Variants in DYSF observed in about 807,000 individuals in gnomAD.
DYSF encodes dysferlin.
In DYSF, 212 loss-of-function variants were observed where a neutral mutation model predicts 274.9. The observed-to-expected ratio is 0.77, with a 90% confidence interval of 0.69 to 0.86. DYSF has a LOEUF of 0.86. DYSF is among the 40% of genes least tolerant of loss of function. The probability of loss-of-function intolerance (pLI) is 0.00; values close to 1 mark genes in which losing one functional copy is unlikely to be tolerated. For missense variants in DYSF, 2,666 were observed against 2,783.2 expected (o/e 0.96, Z 0.95); for synonymous variants, 1,091 against 1,078.7 (o/e 1.01, Z -0.22).
At chr2:71,570,512 CTG>C in intron 28 of DYSF, 85 bp from the exon 29 acceptor site, 1 of 1,569,088 alleles carries the variant, frequency 6.4e-7, no homozygotes, top group Non-Finnish European at 8.7e-7. Context: ...GCTCAAGAGT[CTG>C]TGACCATGCC....
intron 5 of DYSF, 83 bp from the exon 6 acceptor site, chr2:71,513,156 TG>T: frequency 7.6e-7 from 1 of 1,322,948 alleles, no homozygotes; most frequent in Non-Finnish European, 1.1e-6. Flanking sequence ...AAGGCAGGGT[TG>T]GGGATGGAGG....
chr2:71,677,440 G>A (rs543026780), intron 52 of DYSF, among the ~76,000 whole-genome samples: 40 of 152,178 alleles, frequency 2.6e-4, no homozygotes, highest in Middle Eastern at 3.4e-3. Context: ...TAGATTAGGC[G>A]AAACCACATG....
intron 1 of DYSF, among the ~76,000 whole-genome samples, chr2:71,459,463 G>A (rs1335318064): frequency 6.6e-6 from 1 of 152,144 alleles, no homozygotes; most frequent in African/African-American, 2.4e-5. Flanking sequence ...AGCTGGAGGG[G>A]AAATCCTATG....
In DYSF at chr2:71,551,701, A is replaced by G; in HGVS notation, c.1787A>G (p.Asp596Gly). 1 of 1,608,420 alleles carries G rather than the reference A, an allele frequency of 6.2e-7. No homozygotes were observed. The highest frequency in any genetic ancestry group is 8.5e-7 in the Non-Finnish European group (1 of 1,178,738). ...SEQKVEDLPA[D>G]DILRVEKYLR... ...CAGAAGGTGGAGGACCTTCCTGCGG[A>G]TGACATCCTCCGGGTGGAGGTGAGG... is the stretch of plus-strand genomic sequence containing the variant. The change falls in exon 19 of 56, where the codon GAT becomes GGT. Residue 596 changes from aspartate to glycine, a missense_variant. Asp to Gly is a moderately conservative substitution (Grantham distance 94). Around this residue, in one of 3 missense-constraint regions of DYSF, gnomAD observed 794 missense variants for 777.1 expected, o/e 1.02. Transcript: ENST00000410020.
Position 71,487,695 on chromosome 2 carries a change from G to A in DYSF, c.239+5725G>A, listed in dbSNP as rs139397722. Among the ~76,000 whole-genome samples, 784 of 152,256 alleles carry A rather than the reference G, an allele frequency of 5.1e-3. 4 individuals are homozygous for A. Among genetic ancestry groups the A allele is most frequent in the Non-Finnish European group, 7.1e-3 (485 of 68,018 alleles). On this transcript the variant is annotated intron_variant, in intron 3 of 55. Coordinates refer to ENST00000410020, the MANE Select transcript of DYSF (RefSeq NM_001130987.2). ...GGCTAGTTTTTGTGTTTTTAGTAGA[G>A]ACAGGGTTTCACCCTGTTGGTCAGG... is the stretch of plus-strand genomic sequence containing the variant.
At chr2:71,470,755 TCC>T (rs2081967847) in intron 1 of DYSF, among the ~76,000 whole-genome samples, 1 of 145,264 alleles carries the variant, frequency 6.9e-6, no homozygotes, top group Non-Finnish European at 1.5e-5. Flanking sequence ...CTTCCTTCCT[TCC>T]TTCCTTCCTT....
intron 3 of DYSF, among the ~76,000 whole-genome samples, chr2:71,484,575 A>G (rs773740239): frequency 7.9e-5 from 12 of 152,156 alleles, no homozygotes; most frequent in Non-Finnish European, 1.6e-4. Context: ...TGTTGGCTGT[A>G]GTCACCCTAT....
At chr2:71,560,684 C>G (rs1488225091) in intron 22 of DYSF, among the ~76,000 whole-genome samples, 1 of 151,888 alleles carries the variant, frequency 6.6e-6, no homozygotes, top group African/African-American at 2.4e-5. Flanking sequence ...GCGGCGGTGC[C>G]GCTGCGCTCC....
chr2:71,475,775 T>C (rs1222189295), intron 1 of DYSF, among the ~76,000 whole-genome samples: 3 of 152,154 alleles, frequency 2.0e-5, no homozygotes, highest in African/African-American at 4.8e-5. Context: ...TAAGAGATTA[T>C]TTTATTTTTT....
chr2:71,609,338 T>C (rs2093705472), intron 36 of DYSF, among the ~76,000 whole-genome samples: 1 of 152,196 alleles, frequency 6.6e-6, no homozygotes, highest in Non-Finnish European at 1.5e-5. Context: ...AGGAAAATGA[T>C]AAGTTTTTTT....
At chr2:71,474,140 G>A (rs1418889138) in intron 1 of DYSF, among the ~76,000 whole-genome samples, 3 of 151,998 alleles carry the variant, frequency 2.0e-5, no homozygotes, top group Admixed American at 1.3e-4. Context: ...TGGTCAGGCT[G>A]GTCTGGAACT....
intron 12 of DYSF, among the ~76,000 whole-genome samples, chr2:71,525,205 C>T (rs1305486421): frequency 4.6e-5 from 7 of 150,880 alleles, no homozygotes; most frequent in Non-Finnish European, 7.4e-5. Flanking sequence ...CCAGGTGAGT[C>T]TTTTCTTTTC....
At chr2:71,597,891 C>T (rs1426403916) in intron 32 of DYSF, among the ~76,000 whole-genome samples, 2 of 152,106 alleles carry the variant, frequency 1.3e-5, no homozygotes, top group Non-Finnish European at 2.9e-5. Flanking sequence ...AACTGGTCTC[C>T]CTAGACCTCA....
At chr2:71,668,547 C>T (rs2095058790) in intron 48 of DYSF, among the ~76,000 whole-genome samples, 1 of 152,178 alleles carries the variant, frequency 6.6e-6, no homozygotes, top group Non-Finnish European at 1.5e-5. Flanking sequence ...ACCCTTGACC[C>T]CCAGGCACAG....
At chr2:71,663,623 T>TA (rs2152949683) in intron 45 of DYSF, among the ~76,000 whole-genome samples, 1 of 152,348 alleles carries the variant, frequency 6.6e-6, no homozygotes, top group South Asian at 2.1e-4. Context: ...GAGCTCATTT[T>TA]AGGGGGAGAA....
At chr2:71,599,780 A>T (rs1307129431) in intron 33 of DYSF, among the ~76,000 whole-genome samples, 1 of 152,204 alleles carries the variant, frequency 6.6e-6, no homozygotes, top group Non-Finnish European at 1.5e-5. Context: ...ACCAGACATC[A>T]GGTTCCCTGG....
intron 41 of DYSF, among the ~76,000 whole-genome samples, chr2:71,642,916 C>T (rs1341451043): frequency 6.6e-6 from 1 of 152,178 alleles, no homozygotes; most frequent in Non-Finnish European, 1.5e-5. Flanking sequence ...AGAGCAGGCT[C>T]CTGGGAGATC....
intron 30 of DYSF, among the ~76,000 whole-genome samples, chr2:71,585,353 G>A (rs749354382): frequency 1.3e-5 from 2 of 152,216 alleles, no homozygotes; most frequent in Non-Finnish European, 2.9e-5. Flanking sequence ...CTGGGCAGGT[G>A]CCACTGGCCC....
intron 32 of DYSF, among the ~76,000 whole-genome samples, chr2:71,596,443 A>C (rs1306700493): frequency 6.6e-6 from 1 of 152,172 alleles, no homozygotes; most frequent in Non-Finnish European, 1.5e-5. Context: ...TGGCTCTCTA[A>C]TATGGTTTTA....
Sources: allele counts gnomAD v4.1 joint callset (sites outside exome capture counted in the v4.1 genomes callset), GRCh38; gene constraint gnomAD v4.1.1; regional missense constraint gnomAD v4.1.1; transcripts MANE v1.5; gene names NCBI Gene and HGNC (gene_info 2026-07-23, HGNC 2026-07-21).